Variants in GALNT7 observed in about 807,000 individuals in gnomAD.
GALNT7 encodes the protein N-acetylgalactosaminyltransferase 7.
A neutral mutation model predicts 82.1 loss-of-function variants in GALNT7; 60 were observed. The observed-to-expected ratio is 0.73, with a 90% CI of 0.59 to 0.91. GALNT7 has a LOEUF of 0.91. Among genes scored for constraint, GALNT7 ranks in the 40% least tolerant of loss-of-function variants. The pLI is 0.00. For missense variants in GALNT7, 660 were observed against 804.2 expected (o/e 0.82, Z 2.17); for synonymous variants, 243 against 275.1 (o/e 0.88, Z 1.15).
At chr4:173,247,234 G>A (rs1674207892) in intron 1 of GALNT7, among the ~76,000 whole-genome samples, 1 of 151,476 alleles carries the variant, frequency 6.6e-6, no homozygotes, top group Admixed American at 6.6e-5. Flanking sequence ...TGGAAGATCT[G>A]CATAGGTGAT....
At chr4:173,303,893 T>A in intron 7 of GALNT7, 103 bp from the exon 8 acceptor site, 1 of 954,570 alleles carries the variant, frequency 1.0e-6, no homozygotes, top group South Asian at 1.6e-5. Flanking sequence ...GTGTGGACAC[T>A]GTATATAATT....
At chr4:173,243,688 C>T (rs1019799247) in intron 1 of GALNT7, among the ~76,000 whole-genome samples, 1 of 152,154 alleles carries the variant, frequency 6.6e-6, no homozygotes, top group Non-Finnish European at 1.5e-5. Context: ...GTTTTGCCTT[C>T]CGATTTAATG....
At chr4:173,261,130 A>C (rs1735241375) in intron 2 of GALNT7, among the ~76,000 whole-genome samples, 1 of 152,150 alleles carries the variant, frequency 6.6e-6, no homozygotes, top group Non-Finnish European at 1.5e-5. Flanking sequence ...ATAATTTGCA[A>C]TCCACTCATT....
At chr4:173,183,726 G>A (rs1477042643) in intron 1 of GALNT7, among the ~76,000 whole-genome samples, 1 of 149,750 alleles carries the variant, frequency 6.7e-6, no homozygotes, top group Non-Finnish European at 1.5e-5. Flanking sequence ...ACGGGGCGGC[G>A]GCCGGGCGGG....
At chr4:173,199,680 CA>C (rs1732881888) in intron 1 of GALNT7, among the ~76,000 whole-genome samples, 1 of 152,138 alleles carries the variant, frequency 6.6e-6, no homozygotes, top group African/African-American at 2.4e-5. Context: ...GTTTTCTACC[CA>C]ATTTAACTTT....
chr4:173,251,615 A>T (rs1325855318), intron 2 of GALNT7, among the ~76,000 whole-genome samples: 1 of 152,088 alleles, frequency 6.6e-6, no homozygotes, highest in Admixed American at 6.6e-5. Flanking sequence ...GGAACCTCGC[A>T]TCTCTGAGTC....
chr4:173,196,171 C>A (rs1339316804), intron 1 of GALNT7, among the ~76,000 whole-genome samples: 1 of 150,956 alleles, frequency 6.6e-6, no homozygotes, highest in Non-Finnish European at 1.5e-5. Context: ...GTCGCCCAGG[C>A]TGGAGTGCAA....
chr4:173,284,568 C>G (rs547683357), intron 2 of GALNT7, among the ~76,000 whole-genome samples: 44 of 152,062 alleles, frequency 2.9e-4, no homozygotes, highest in Non-Finnish European at 6.5e-4. Context: ...CTTTGTAGCA[C>G]CCAAAAGCAA....
chr4:173,319,792 A>G (rs1299281610), intron 11 of GALNT7, among the ~76,000 whole-genome samples: 1 of 152,166 alleles, frequency 6.6e-6, no homozygotes, highest in African/African-American at 2.4e-5. Flanking sequence ...CTATTATATA[A>G]TGGCAGAGAA....
At position 173,242,779 on chromosome 4, in the gene GALNT7, C is replaced by T. The variant is rs116359269; in HGVS notation, c.127-5201C>T. Among the ~76,000 whole-genome samples, 491 of 152,346 alleles carry T rather than the reference C, an allele frequency of 3.2e-3. 2 individuals carry two copies. Among genetic ancestry groups the T allele is most frequent in the African/African-American group, 0.011 (461 of 41,580 alleles). The stretch of plus-strand genomic sequence containing the variant: ...TCTGGGGAGCCCCAGCCTACTGGCA[C>T]GCCTTGTTCCCTCTGAATTTCTGGA... On this transcript the variant is annotated intron_variant, in intron 1 of 11. Transcript: ENST00000265000.
At chr4:173,239,903 G>C (rs1408386473) in intron 1 of GALNT7, among the ~76,000 whole-genome samples, 2 of 152,064 alleles carry the variant, frequency 1.3e-5, no homozygotes, top group Non-Finnish European at 2.9e-5. Context: ...TAGTTTGGAT[G>C]AACTAAATTT....
At chr4:173,192,103 T>G (rs931585395) in intron 1 of GALNT7, among the ~76,000 whole-genome samples, 5 of 152,144 alleles carry the variant, frequency 3.3e-5, no homozygotes, top group African/African-American at 1.2e-4. Context: ...GAGGGAGAAG[T>G]GTGTGGAGAA....
chr4:173,224,939 C>T (rs958991786), intron 1 of GALNT7, among the ~76,000 whole-genome samples: 55 of 151,532 alleles, frequency 3.6e-4, no homozygotes, highest in African/African-American at 9.9e-4. Flanking sequence ...GGTGTGAACC[C>T]GGGAGGCGGA....
Position 173,257,504 on chromosome 4 carries a change from G to A in GALNT7, c.587+9064G>A, listed in dbSNP as rs186417613. Among the ~76,000 whole-genome samples, 14 of 152,196 alleles carry A rather than the reference G, an allele frequency of 9.2e-5. No homozygotes were observed. The East Asian group carries it at 2.7e-3, about 29-fold the overall frequency. On this transcript the variant is annotated intron_variant, in intron 2 of 11. Coordinates refer to ENST00000265000, the MANE Select transcript of GALNT7 (RefSeq NM_017423.3). ...TTGAAAGTGCTAAGAAGGAAAAAGGGCTTAGCACCAAAGCCAAGCTAATTA... is the reference window on the plus strand; with the variant it reads ...TTGAAAGTGCTAAGAAGGAAAAAGGACTTAGCACCAAAGCCAAGCTAATTA...
intron 1 of GALNT7, among the ~76,000 whole-genome samples, chr4:173,192,412 G>A (rs1732654603): frequency 6.6e-6 from 1 of 152,068 alleles, no homozygotes; most frequent in Non-Finnish European, 1.5e-5. Flanking sequence ...TCTTCAAACT[G>A]AAAGCCGTCT....
At chr4:173,297,731 A>G (rs1736771283) in intron 5 of GALNT7, 1 of 694,964 alleles carries the variant, frequency 1.4e-6, no homozygotes, top group Non-Finnish European at 2.1e-6. Flanking sequence ...GAGATAACGT[A>G]GTTAGGCATG....
intron 1 of GALNT7, among the ~76,000 whole-genome samples, chr4:173,199,026 T>C (rs1265557780): frequency 6.6e-6 from 1 of 152,244 alleles, no homozygotes; most frequent in African/African-American, 2.4e-5. Context: ...ATTAGTGTTC[T>C]TGAGAGCACA....
At chr4:173,270,394 G>A (rs535916546) in intron 2 of GALNT7, among the ~76,000 whole-genome samples, 22 of 152,274 alleles carry the variant, frequency 1.4e-4, no homozygotes, top group East Asian at 1.3e-3. Flanking sequence ...TGTGACAAGT[G>A]TTTTGGGGAA....
At chr4:173,218,037 T>C (rs904370282) in intron 1 of GALNT7, among the ~76,000 whole-genome samples, 2 of 152,236 alleles carry the variant, frequency 1.3e-5, no homozygotes, top group Non-Finnish European at 2.9e-5. Context: ...TGAATCACTT[T>C]GTTAAATTTT....
Sources: gnomAD v4.1 joint callset for allele counts (sites outside exome capture counted in the v4.1 genomes callset) on GRCh38, gnomAD v4.1.1 for gene constraint, MANE v1.5 for transcripts, NCBI Gene and HGNC (gene_info 2026-07-23, HGNC 2026-07-21) for gene names.